Variants in GPR63 observed in about 807,000 individuals in gnomAD.
The protein encoded by GPR63 is probable G protein-coupled receptor 63.
In GPR63, 12 loss-of-function variants were observed where a neutral mutation model predicts 23.1. That is an observed-to-expected ratio of 0.52 (90% CI 0.33 to 0.84). The LOEUF (loss-of-function observed/expected upper bound fraction) is 0.84, where lower values mean the gene tolerates loss of function less well. Among genes scored for constraint, GPR63 ranks in the 40% least tolerant of loss-of-function variants. The probability of loss-of-function intolerance (pLI) is 0.02; values close to 1 mark genes in which losing one functional copy is unlikely to be tolerated. For synonymous variants in GPR63, 172 were observed against 191.1 expected, an observed-to-expected ratio of 0.90 and a Z score of 0.82; for missense variants, 472 against 515.6, an observed-to-expected ratio of 0.92 and a Z score of 0.82.
chr6:96,830,734 T>C (rs976929750), intron 1 of GPR63, among the ~76,000 whole-genome samples: 1 of 152,244 alleles, frequency 6.6e-6, no homozygotes. Context: ...TGGCTAAAGA[T>C]AATTTTAGTT....
At chr6:96,831,565 T>G (rs1774580776) in intron 1 of GPR63, among the ~76,000 whole-genome samples, 1 of 152,172 alleles carries the variant, frequency 6.6e-6, no homozygotes, top group African/African-American at 2.4e-5. Context: ...CCCCAAAAAT[T>G]CTATGTCTAG....
Position 96,836,704 on chromosome 6 carries a change from T to C in GPR63, c.-151+564A>G, listed in dbSNP as rs1253085217. 3.9e-5 allele frequency among the ~76,000 whole-genome samples: 6 copies of C among 152,136 alleles called. No individual in the cohort carries two copies. In the East Asian group the frequency reaches 9.7e-4, roughly 24 times the overall value. On this transcript the variant is annotated intron_variant, in intron 1 of 1. Coordinates refer to ENST00000229955, the MANE Select transcript of GPR63 (RefSeq NM_030784.4). Reference sequence around the variant, plus strand: ...GAAAAGACTGAAATCAGGGCGACGTTGAAAACCGGCCAAGGATGCAACACA... The same window carrying C: ...GAAAAGACTGAAATCAGGGCGACGTCGAAAACCGGCCAAGGATGCAACACA...
intron 1 of GPR63, among the ~76,000 whole-genome samples, chr6:96,829,874 C>T (rs776626769): frequency 1.2e-4 from 18 of 151,804 alleles, no homozygotes; most frequent in Non-Finnish European, 2.1e-4. Flanking sequence ...TAAAAATGAA[C>T]ATGTTAGAAA....
chr6:96,802,927 C>T (rs1351691120), intron 1 of GPR63, among the ~76,000 whole-genome samples: 1 of 152,002 alleles, frequency 6.6e-6, no homozygotes, highest in Non-Finnish European at 1.5e-5. Context: ...CCAATTACCA[C>T]AGAGTATATA....
intron 1 of GPR63, among the ~76,000 whole-genome samples, chr6:96,801,848 T>C (rs1773774245): frequency 6.6e-6 from 1 of 152,192 alleles, no homozygotes; most frequent in Non-Finnish European, 1.5e-5. Flanking sequence ...TTGAACTTTA[T>C]TAACCACAAA....
intron 1 of GPR63, among the ~76,000 whole-genome samples, chr6:96,816,949 T>C (rs1394052391): frequency 6.6e-6 from 1 of 152,200 alleles, no homozygotes; most frequent in Admixed American, 6.5e-5. Flanking sequence ...TTAATATTTA[T>C]TAAGTTTCCA....
rs1201723465 is a variant in GPR63 at position 96,837,408 on chromosome 6, G to C, written c.-291C>G. The C allele has an allele frequency of 6.5e-6, 1 of 153,982 alleles. No homozygotes were observed. The highest frequency in any genetic ancestry group is 1.5e-5 in the Non-Finnish European group (1 of 68,938). The allele number at this position is 153,982 out of a possible 1,614,324, so 9.5% of individuals were successfully genotyped here. ...ACGCTGCCAGGCGGAGGAGGAAGGAGGACAACGAAGAGGAGGTGGTGGCGG... is the reference window on the plus strand; with the variant it reads ...ACGCTGCCAGGCGGAGGAGGAAGGACGACAACGAAGAGGAGGTGGTGGCGG... On this transcript the variant is annotated 5_prime_UTR_variant, in exon 1 of 2. Coordinates refer to ENST00000229955, the MANE Select transcript of GPR63 (RefSeq NM_030784.4).
chr6:96,799,331 T>C lies in GPR63; in HGVS notation c.401A>G (p.Asn134Ser). Residue 134 changes from asparagine to serine, a missense_variant, in exon 2 of 2, where the codon AAC becomes AGC. By Grantham distance (46) the Asn-to-Ser change is conservative. Coordinates refer to ENST00000229955, the MANE Select transcript of GPR63 (RefSeq NM_030784.4). ...AATAGTTACCAGGGCAAAGGGCATG[T>C]TCAGCACTGCAAGCAACATGTCTGC... is the stretch of plus-strand genomic sequence containing the variant. The part of the protein sequence containing the change: ...AFADMLLAVL[N>S]MPFALVTILT... 2 of 1,614,120 alleles carry C rather than the reference T, an allele frequency of 1.2e-6. No homozygotes were observed. The highest frequency in any genetic ancestry group is 1.7e-6 in the Non-Finnish European group (2 of 1,180,016).
At chr6:96,826,096 G>T (rs1203516515) in intron 1 of GPR63, among the ~76,000 whole-genome samples, 1 of 152,050 alleles carries the variant, frequency 6.6e-6, no homozygotes, top group Non-Finnish European at 1.5e-5. Context: ...ATTTTTAAAA[G>T]TGAAGTACCC....
At chr6:96,836,144 A>G (rs1176237392) in intron 1 of GPR63, among the ~76,000 whole-genome samples, 2 of 152,156 alleles carry the variant, frequency 1.3e-5, no homozygotes, top group Admixed American at 6.5e-5. Flanking sequence ...GCAGAGACCT[A>G]GGGGTGTGAG....
intron 1 of GPR63, among the ~76,000 whole-genome samples, chr6:96,832,314 G>T (rs560971237): frequency 1.3e-5 from 2 of 151,976 alleles, no homozygotes; most frequent in African/African-American, 4.8e-5. Context: ...GTCCTGGCTG[G>T]AGTGCAATGG....
At chr6:96,804,016 T>C (rs1562115576) in intron 1 of GPR63, among the ~76,000 whole-genome samples, 2 of 152,244 alleles carry the variant, frequency 1.3e-5, no homozygotes, top group Admixed American at 6.5e-5. Context: ...GTATGTGTAC[T>C]TGTAAAACTC....
At position 96,799,697 on chromosome 6, in the gene GPR63, G is replaced by T; in HGVS notation, c.35C>A (p.Thr12Asn). Residue 12 changes from threonine to asparagine, a missense_variant, in exon 2 of 2, where the codon ACC (threonine) becomes AAC (asparagine). By Grantham distance (65) the Thr-to-Asn change is moderately conservative. Transcript: ENST00000229955. ...VFSAVLTAFH[T>N]GTSNTTFVVY... ...GACAAATGTTGTGTTGGATGTCCCG[G>T]TATGGAACGCAGTCAACACTGCCGA... The T allele has an allele frequency of 6.2e-7, 1 of 1,614,192 alleles. No homozygotes were observed. The highest frequency in any genetic ancestry group is 1.1e-5 in the South Asian group (1 of 91,082).
chr6:96,826,738 G>A (rs945701393), intron 1 of GPR63, among the ~76,000 whole-genome samples: 3 of 151,930 alleles, frequency 2.0e-5, no homozygotes, highest in African/African-American at 7.2e-5. Context: ...ATATTTGCTA[G>A]GGTAAAAGTG....
intron 1 of GPR63, among the ~76,000 whole-genome samples, chr6:96,835,321 C>A (rs1293285927): frequency 2.0e-5 from 3 of 151,882 alleles, no homozygotes; most frequent in Non-Finnish European, 4.4e-5. Context: ...TTTATATACT[C>A]AATAGCATAT....
intron 1 of GPR63, among the ~76,000 whole-genome samples, chr6:96,819,974 CAAAA>C (rs367728329): frequency 1.2e-5 from 1 of 85,350 alleles, no homozygotes; most frequent in East Asian, 3.3e-4. Context: ...GACTCTGTCT[CAAAA>C]AAAAAAAAAA....
rs752842923 is a variant in GPR63, at chr6:96,799,036, C to A, written c.696G>T (p.Gly232=). 10 of 1,613,962 alleles carry A rather than the reference C, an allele frequency of 6.2e-6. No homozygotes were observed. In the African/African-American group the frequency reaches 8.0e-5, roughly 13 times the overall value. ...IPSRAPQCVF[G]YTTNPGYQAY... ...CCTGGTAGCCTGGATTGGTTGTGTA[C>A]CCAAACACACACTGGGGAGCTCGGG... The change falls in exon 2 of 2, where the codon GGG becomes GGT. Residue 232 remains glycine (G), a synonymous_variant. Coordinates refer to ENST00000229955, the MANE Select transcript of GPR63 (RefSeq NM_030784.4).
chr6:96,810,910 A>G (rs1000797980), intron 1 of GPR63, among the ~76,000 whole-genome samples: 1 of 152,168 alleles, frequency 6.6e-6, no homozygotes, highest in Non-Finnish European at 1.5e-5. Flanking sequence ...TGTTTCCTGT[A>G]TAAAATTCCT....
At chr6:96,802,292 T>C (rs532011247) in intron 1 of GPR63, among the ~76,000 whole-genome samples, 29 of 152,158 alleles carry the variant, frequency 1.9e-4, no homozygotes, top group Non-Finnish European at 2.9e-4. Flanking sequence ...TATAAAAACT[T>C]CTAACAATTC....
Sources: allele counts gnomAD v4.1 joint callset (sites outside exome capture counted in the v4.1 genomes callset), GRCh38; gene constraint gnomAD v4.1.1; transcripts MANE v1.5; gene names NCBI Gene and HGNC (gene_info 2026-07-23, HGNC 2026-07-21).